SPATA7: variants seen among roughly 807,000 people sequenced by gnomAD.
SPATA7 encodes the protein spermatogenesis-associated protein 7.
In SPATA7, 43 loss-of-function variants were observed where a neutral mutation model predicts 51.8. That is an observed-to-expected ratio of 0.83 (90% CI 0.65 to 1.07). The LOEUF is 1.07. Ranked by LOEUF, SPATA7 falls within the 50% of genes least tolerant of loss-of-function variation. The pLI is 0.00. For missense variants in SPATA7, 683 were observed against 701.3 expected (o/e 0.97, Z 0.30); for synonymous variants, 230 against 252.8 (o/e 0.91, Z 0.86).
At chr14:88,396,352 G>T in intron 4 of SPATA7, 149 bp downstream of exon 4, 1 of 645,686 alleles carries the variant, frequency 1.5e-6, no homozygotes, top group Non-Finnish European at 2.8e-6. Context: ...ACTACCTCCA[G>T]AACTCTCTTT....
intron 3 of SPATA7, among the ~76,000 whole-genome samples, chr14:88,395,727 A>G (rs528806148): frequency 6.6e-5 from 10 of 152,112 alleles, no homozygotes; most frequent in Admixed American, 1.3e-4. Context: ...TCAGTTGACC[A>G]TATGTGTGGG....
At chr14:88,414,315 A>T (rs928223233) in intron 4 of SPATA7, among the ~76,000 whole-genome samples, 3 of 151,964 alleles carry the variant, frequency 2.0e-5, no homozygotes, top group Non-Finnish European at 4.4e-5. Context: ...AAATTTATCT[A>T]TTTCCTCTAG....
At chr14:88,410,168 C>T (rs1299049432) in intron 4 of SPATA7, among the ~76,000 whole-genome samples, 2 of 152,116 alleles carry the variant, frequency 1.3e-5, no homozygotes, top group African/African-American at 4.8e-5. Flanking sequence ...TCTTGTTGAT[C>T]TCTTTAATAT....
In SPATA7 at chr14:88,433,199, T is replaced by G; in HGVS notation, c.1147T>G (p.Leu383Val). 1.2e-6 allele frequency: 2 copies of G among 1,609,004 alleles called. No individual in the cohort carries two copies. Among genetic ancestry groups the G allele is most frequent in the Non-Finnish European group, 1.7e-6 (2 of 1,177,440 alleles). The change falls in exon 10 of 12, where the codon TTA becomes GTA. Residue 383 changes from leucine to valine, a missense_variant. Coordinates refer to ENST00000393545, the MANE Select transcript of SPATA7 (RefSeq NM_018418.5). ...DVTDEILKLG[L>V]FSNRFLERLF... ...AACAGATGAAATTTTGAAACTTGGT[T>G]TATTTTCAAACAGGTTAGTTTTTTT... is the stretch of plus-strand genomic sequence containing the variant.
intron 7 of SPATA7, chr14:88,428,672 A>T (rs188211146): frequency 2.0e-5 from 3 of 152,386 alleles, no homozygotes; most frequent in Admixed American, 1.3e-4. Context: ...CTACGTAAAC[A>T]TGAAAAAATA....
chr14:88,447,919 T>A (rs1475120460), intron 3 of SPATA7, among the ~76,000 whole-genome samples: 1 of 151,480 alleles, frequency 6.6e-6, no homozygotes, highest in Non-Finnish European at 1.5e-5. Flanking sequence ...CCCTTAACAT[T>A]TTTTCCTTCA....
chr14:88,408,880 C>T (rs143407527), intron 4 of SPATA7, among the ~76,000 whole-genome samples: 3 of 152,192 alleles, frequency 2.0e-5, no homozygotes, highest in Admixed American at 6.5e-5. Context: ...TGGTTTTTGT[C>T]ATTGGTTCTG....
At chr14:88,412,609 C>T (rs2076373881) in intron 4 of SPATA7, among the ~76,000 whole-genome samples, 1 of 152,172 alleles carries the variant, frequency 6.6e-6, no homozygotes, top group African/African-American at 2.4e-5. Flanking sequence ...TCTTTGTCAG[C>T]ACCCTCACAG....
chr14:88,430,278 G>C (rs1187968898), intron 8 of SPATA7, among the ~76,000 whole-genome samples: 1 of 152,080 alleles, frequency 6.6e-6, no homozygotes, highest in Non-Finnish European at 1.5e-5. Context: ...GATCTCACCT[G>C]CTAAGGCCAT....
chr14:88,400,419 A>C (rs2076022923), intron 4 of SPATA7, among the ~76,000 whole-genome samples: 1 of 152,226 alleles, frequency 6.6e-6, no homozygotes, highest in Admixed American at 6.5e-5. Context: ...CTAGAAAAAG[A>C]AGAATAAACT....
At chr14:88,416,951 T>G in intron 5 of SPATA7, 107 bp downstream of exon 5, 3 of 913,354 alleles carry the variant, frequency 3.3e-6, no homozygotes, top group African/African-American at 1.7e-5. Context: ...ATTTTTCCTG[T>G]AAAGATCCAG....
intron 4 of SPATA7, among the ~76,000 whole-genome samples, chr14:88,401,415 C>T (rs539128713): frequency 6.6e-6 from 1 of 152,288 alleles, no homozygotes; most frequent in African/African-American, 2.4e-5. Context: ...AAAAACAAAG[C>T]TTTTCCTCTA....
intron 5 of SPATA7, 89 bp downstream of exon 5, chr14:88,416,933 G>T (rs1426191374): frequency 8.4e-7 from 1 of 1,194,454 alleles, no homozygotes. Flanking sequence ...ATAGTTTAGG[G>T]TCAGCAAATT....
At chr14:88,427,433 A>G (rs1279358873) in intron 6 of SPATA7, among the ~76,000 whole-genome samples, 197 bp from the exon 7 acceptor site, 1 of 151,316 alleles carries the variant, frequency 6.6e-6, no homozygotes, top group African/African-American at 2.5e-5. Flanking sequence ...TTTTTCTTTG[A>G]ATATAGATAA....
intron 4 of SPATA7, among the ~76,000 whole-genome samples, chr14:88,411,856 G>T (rs777728350): frequency 6.6e-6 from 1 of 152,086 alleles, no homozygotes; most frequent in Non-Finnish European, 1.5e-5. Flanking sequence ...TTTTTGGGGG[G>T]GGTTTATACA....
intron 4 of SPATA7, among the ~76,000 whole-genome samples, chr14:88,401,651 G>A (rs1486513088): frequency 1.3e-5 from 2 of 151,814 alleles, no homozygotes; most frequent in African/African-American, 2.4e-5. Context: ...GGGCAACATA[G>A]TAAGACCATG....
chr14:88,429,503 A>G, intron 8 of SPATA7, 40 bp downstream of exon 8: 1 of 1,310,544 alleles, frequency 7.6e-7, no homozygotes, highest in South Asian at 1.2e-5. Flanking sequence ...ACTGTCTTTA[A>G]TTGCCTTCTT....
chr14:88,395,511 G>A (rs2075857019), intron 3 of SPATA7, among the ~76,000 whole-genome samples: 1 of 149,580 alleles, frequency 6.7e-6, no homozygotes. Context: ...TTCTTAATAT[G>A]TTTTCTTCTA....
In SPATA7 at chr14:88,468,328, G is replaced by A. The variant is rs140629722; in HGVS notation, c.255-1519G>A. The A allele has an allele frequency of 4.9e-5, 71 of 1,455,510 alleles. No individual in the cohort carries two copies. The East Asian group carries it at 1.4e-3, about 29-fold the overall frequency. 90.2% of individuals were successfully genotyped at this position (1,455,510 alleles called of 1,614,324 possible). A position where few individuals can be genotyped will look rare whatever the true frequency, so the allele number is the denominator to read the frequency against. ...CCCTGGGGAGACAGAAAGGATGGGA[G>A]GACACGAGTGTCCTGGCAGAAACCT... On this transcript the variant is annotated intron_variant, in intron 4 of 4. Transcript: ENST00000556406.
Sources: gnomAD v4.1 joint callset for allele counts (sites outside exome capture counted in the v4.1 genomes callset) on GRCh38, gnomAD v4.1.1 for gene constraint, MANE v1.5 for transcripts, NCBI Gene and HGNC (gene_info 2026-07-23, HGNC 2026-07-21) for gene names.